ZNF560: variants seen among roughly 807,000 people sequenced by gnomAD.
ZNF560 encodes zinc finger protein 560.
ZNF560 carries 54 observed loss-of-function variants against 81.8 expected under a neutral mutation model. The ratio of observed to expected loss-of-function variants is 0.66; its 90% CI spans 0.53 to 0.83. The LOEUF is 0.83. Among genes scored for constraint, ZNF560 ranks in the 40% least tolerant of loss-of-function variants. The pLI is 0.00. For synonymous variants in ZNF560, 321 were observed against 317.9 expected, an observed-to-expected ratio of 1.01 and a Z score of -0.10; for missense variants, 940 against 932.4, an observed-to-expected ratio of 1.01 and a Z score of -0.11.
chr19:9,490,172 G>A (rs926469008), intron 2 of ZNF560, among the ~76,000 whole-genome samples: 1 of 152,214 alleles, frequency 6.6e-6, no homozygotes, highest in African/African-American at 2.4e-5. Flanking sequence ...TAAGGGCCCA[G>A]AAGACACCCT....
At chr19:9,495,872 C>G (rs1027856475) in intron 2 of ZNF560, among the ~76,000 whole-genome samples, 1 of 152,180 alleles carries the variant, frequency 6.6e-6, no homozygotes, top group African/African-American at 2.4e-5. Flanking sequence ...GATGTAGCAA[C>G]AGTAAAACAA....
At position 9,466,956 on chromosome 19, in the gene ZNF560, G is replaced by A. The variant is rs770847589; in HGVS notation, c.1991C>T (p.Ala664Val). ...KPYKCNACEK[A>V]YSRSCVLTQH... ...AGTTAGTACACAAGACCTACTGTAA[G>A]CTTTTTCACATGCATTACATTTATA... The change falls in exon 10 of 10, where the codon GCT becomes GTT. Residue 664 changes from alanine (A) to valine (V), a missense_variant. Transcript: ENST00000301480. 3 of 1,614,058 alleles carry A rather than the reference G, an allele frequency of 1.9e-6. No individual in the cohort carries two copies. The highest frequency in any genetic ancestry group is 3.3e-5 in the Admixed American group (2 of 60,026).
rs1287904116 is a variant in ZNF560, at chr19:9,475,363, G to C, written c.-50C>G. On this transcript the variant is annotated 5_prime_UTR_variant, in exon 3 of 10. Transcript: ENST00000301480. ...TTCATGAAGGCAGATTGGGTTCCTAGAAAGACCTGGAAAAGAAAGAAGGCA... is the reference window on the plus strand; with the variant it reads ...TTCATGAAGGCAGATTGGGTTCCTACAAAGACCTGGAAAAGAAAGAAGGCA... 12 of 1,586,076 alleles carry C rather than the reference G, an allele frequency of 7.6e-6. No individual in the cohort carries two copies. The highest frequency in any genetic ancestry group is 5.1e-5 in the Admixed American group (3 of 58,838).
At chr19:9,446,286 G>A in the ZNF560 span, among the ~76,000 whole-genome samples, 1 of 151,750 alleles carries the variant, frequency 6.6e-6, no homozygotes, top group Non-Finnish European at 1.5e-5. Flanking sequence ...TTCTGTCCAG[G>A]TGGGACATTC....
the ZNF560 span, among the ~76,000 whole-genome samples, chr19:9,447,803 T>C: frequency 3.9e-5 from 6 of 152,114 alleles, no homozygotes; most frequent in Non-Finnish European, 7.4e-5. Context: ...GAGAGAATAA[T>C]TTAAGAAAAT....
intron 2 of ZNF560, among the ~76,000 whole-genome samples, chr19:9,482,543 T>C (rs1019940186): frequency 6.6e-6 from 1 of 151,920 alleles, no homozygotes; most frequent in Non-Finnish European, 1.5e-5. Flanking sequence ...GGAGGATCAC[T>C]TGAGACCAGG....
chr19:9,474,334 TCA>T lies in ZNF560; in HGVS notation c.31-11_31-10del. The T allele has an allele frequency of 6.2e-7, 1 of 1,605,494 alleles. No individual in the cohort carries two copies. Among genetic ancestry groups the T allele is most frequent in the Non-Finnish European group, 8.5e-7 (1 of 1,175,286 alleles). On this transcript the variant is annotated splice_polypyrimidine_tract_variant and intron_variant, in intron 3 of 9. Transcript: ENST00000301480. ...TCAAAGGTCACGGAGTACTAAACCA[TCA>T]CATACATGTTGATTTGAGCCAAGTA... is the stretch of plus-strand genomic sequence containing the variant.
intron 6 of ZNF560, 146 bp from the exon 7 acceptor site, chr19:9,470,664 C>T: frequency 9.9e-7 from 1 of 1,009,882 alleles, no homozygotes. Context: ...CCTAGGAACT[C>T]TTCTATCCAC....
rs1285443940 is a variant in ZNF560, at chr19:9,494,923, C to A, written c.-57+3205G>T. ...TCCGTCTCAAAAAAAAACAAACAAA[C>A]AAAACAAACAAACAAACAAACAAAA... On this transcript the variant is annotated intron_variant, in intron 2 of 9. Transcript: ENST00000301480. Among the ~76,000 whole-genome samples, 3 of 143,640 alleles carry A rather than the reference C, an allele frequency of 2.1e-5. No individual in the cohort carries two copies. The Admixed American group carries it at 2.1e-4, about 10-fold the overall frequency. 94.2% of individuals were successfully genotyped at this position (143,640 alleles called of 152,430 possible).
chr19:9,502,301 TC>T (rs1436587888), upstream of ZNF560, among the ~76,000 whole-genome samples: 1 of 151,568 alleles, frequency 6.6e-6, no homozygotes, highest in African/African-American at 2.4e-5. Flanking sequence ...AACTTCCACC[TC>T]CCAGGTTCAA....
downstream of ZNF560, among the ~76,000 whole-genome samples, chr19:9,466,073 C>T (rs893999590): frequency 6.6e-6 from 1 of 152,086 alleles, no homozygotes; most frequent in African/African-American, 2.4e-5. Flanking sequence ...ATGCCAGGTG[C>T]AGTGGCACAC....
intron 2 of ZNF560, among the ~76,000 whole-genome samples, chr19:9,491,691 T>C (rs918051426): frequency 4.0e-5 from 6 of 151,414 alleles, no homozygotes; most frequent in East Asian, 2.0e-4. Context: ...CTGGGTGTGG[T>C]GGCACGCGTC....
intron 7 of ZNF560, 63 bp downstream of exon 7, chr19:9,470,329 A>G: frequency 1.3e-6 from 2 of 1,541,100 alleles, no homozygotes; most frequent in Non-Finnish European, 1.7e-6. Flanking sequence ...ATCCTAGAAT[A>G]CAGTAAGTAC....
the ZNF560 span, among the ~76,000 whole-genome samples, chr19:9,449,966 C>T: frequency 2.2e-5 from 2 of 89,474 alleles, no homozygotes; most frequent in South Asian, 8.4e-4. Flanking sequence ...AAGAGCAAAA[C>T]TCTGTCTCAA....
the ZNF560 span, among the ~76,000 whole-genome samples, chr19:9,448,305 C>T: frequency 2.0e-5 from 3 of 151,106 alleles, no homozygotes; most frequent in African/African-American, 7.3e-5. Flanking sequence ...GATCTTGGCT[C>T]ATGGTAACCT....
At chr19:9,468,778 A>C (rs1180430820) in intron 9 of ZNF560, among the ~76,000 whole-genome samples, 1 of 129,028 alleles carries the variant, frequency 7.8e-6, no homozygotes, top group Non-Finnish European at 1.5e-5. Context: ...CCCAGGCTGT[A>C]GTGTGCAGTG....
At chr19:9,469,301 G>A in intron 8 of ZNF560, 114 bp from the exon 9 acceptor site, 3 of 766,020 alleles carry the variant, frequency 3.9e-6, no homozygotes, top group South Asian at 2.0e-5. Flanking sequence ...AATCATATGG[G>A]GTCAAGTTTT....
the ZNF560 span, among the ~76,000 whole-genome samples, chr19:9,450,287 T>C: frequency 1.0e-5 from 1 of 99,174 alleles, no homozygotes; most frequent in Non-Finnish European, 2.1e-5. Flanking sequence ...CAAGACTTTG[T>C]CTCAAAAAAA....
At chr19:9,454,836 G>T in the ZNF560 span, among the ~76,000 whole-genome samples, 3 of 150,614 alleles carry the variant, frequency 2.0e-5, no homozygotes, top group Non-Finnish European at 4.4e-5. Context: ...TGATGAGGAG[G>T]AAGGAGACAA....
Sources: allele counts gnomAD v4.1 joint callset (sites outside exome capture counted in the v4.1 genomes callset), GRCh38; gene constraint gnomAD v4.1.1; transcripts MANE v1.5; gene names NCBI Gene and HGNC (gene_info 2026-07-23, HGNC 2026-07-21).